Variants in ABCA6 observed in about 807,000 individuals in gnomAD.
ABCA6 encodes ATP binding cassette subfamily A member 6.
In ABCA6, 164 loss-of-function variants were observed where a neutral mutation model predicts 191.2. That is an observed-to-expected ratio of 0.86 (90% CI 0.76 to 0.98). The LOEUF is 0.98. Among genes scored for constraint, ABCA6 ranks in the 50% least tolerant of loss-of-function variants. The pLI is 0.00. For missense variants in ABCA6, 1,958 were observed against 1,894.1 expected, an observed-to-expected ratio of 1.03 and a Z score of -0.63; for synonymous variants, 636 against 647.7, an observed-to-expected ratio of 0.98 and a Z score of 0.27.
intron 23 of ABCA6, among the ~76,000 whole-genome samples, chr17:69,097,532 C>T (rs575964428): frequency 2.0e-5 from 3 of 152,098 alleles, no homozygotes; most frequent in African/African-American, 7.2e-5. Flanking sequence ...TGGGCATAAT[C>T]GAATACAAAT....
rs1223900093 is a variant in ABCA6, at chr17:69,091,609, G to A, written c.3409-347C>T. Among the ~76,000 whole-genome samples the A allele has an allele frequency of 1.0e-4, 2 of 19,886 alleles. 1 individual carries two copies. Among genetic ancestry groups the A allele is most frequent in the Admixed American group, 7.9e-4 (2 of 2,544 alleles). 13.0% of individuals were successfully genotyped at this position (19,886 alleles called of 152,430 possible). A position where few individuals can be genotyped will look rare whatever the true frequency, so the allele number is the denominator to read the frequency against. On this transcript the variant is annotated intron_variant, in intron 25 of 38. Transcript: ENST00000284425. Reference sequence around the variant, plus strand: ...GGGATCTCGGCTCACTGCAAGCTCCGCCTCCCGGGTTCACGCCATTCTCCT... The same window carrying A: ...GGGATCTCGGCTCACTGCAAGCTCCACCTCCCGGGTTCACGCCATTCTCCT...
chr17:69,094,158 A>G (rs150534267), intron 25 of ABCA6: 2 of 152,320 alleles, frequency 1.3e-5, no homozygotes, highest in African/African-American at 4.8e-5. Flanking sequence ...TCACAGTGAG[A>G]ACACCTTAAT....
At chr17:69,122,099 G>GA (rs1218717570) in intron 10 of ABCA6, among the ~76,000 whole-genome samples, 3 of 152,004 alleles carry the variant, frequency 2.0e-5, no homozygotes, top group African/African-American at 4.8e-5. Flanking sequence ...ATAGACTGTA[G>GA]AGCCAGACTA....
chr17:69,118,865 C>A (rs1481835651), intron 10 of ABCA6, among the ~76,000 whole-genome samples: 1 of 151,954 alleles, frequency 6.6e-6, no homozygotes, highest in South Asian at 2.1e-4. Flanking sequence ...TGACCCCACC[C>A]TTTTCATTGA....
At chr17:69,092,359 C>A (rs1235572496) in intron 25 of ABCA6, among the ~76,000 whole-genome samples, 2 of 152,120 alleles carry the variant, frequency 1.3e-5, no homozygotes, top group Non-Finnish European at 2.9e-5. Context: ...TTATCTCTCC[C>A]TTTACAAATG....
intron 15 of ABCA6, chr17:69,112,509 T>C (rs2073444192): frequency 2.4e-6 from 1 of 417,470 alleles, no homozygotes; most frequent in Non-Finnish European, 4.3e-6. Context: ...TGCAGCAACA[T>C]GGATGGAACT....
chr17:69,085,053 CT>C lies in ABCA6; in HGVS notation c.4158del (p.Ala1387ArgfsTer10). ...CTTGCGATGGCGAGCCTCGCGTCCG[CT>C]TTCCTGAGCCCCTTGACGGCAGCAT... Reference protein sequence around the residue: ...EVYAAVKGLRKADARLAIARL... With the variant: ...EVYAAVKGLRXADARLAIARL... On this transcript the variant is annotated frameshift_variant, in exon 32 of 39. Coordinates refer to ENST00000284425, the MANE Select transcript of ABCA6 (RefSeq NM_080284.3). LOFTEE classifies it high-confidence loss of function. The C allele has an allele frequency of 1.2e-6, 2 of 1,611,226 alleles. No homozygotes were observed. Among genetic ancestry groups the C allele is most frequent in the Non-Finnish European group, 1.7e-6 (2 of 1,179,360 alleles).
At chr17:69,092,738 C>A (rs1179481150) in intron 25 of ABCA6, among the ~76,000 whole-genome samples, 2 of 152,130 alleles carry the variant, frequency 1.3e-5, no homozygotes, top group African/African-American at 4.8e-5. Flanking sequence ...CCAAATGGAT[C>A]CCAGATCACC....
intron 28 of ABCA6, 50 bp downstream of exon 28, chr17:69,088,117 T>G: frequency 6.9e-7 from 1 of 1,457,616 alleles, no homozygotes; most frequent in Non-Finnish European, 9.5e-7. Flanking sequence ...AGACACCATC[T>G]AGGAATGTTA....
chr17:69,134,527 T>A (rs2073917588), intron 5 of ABCA6, 112 bp downstream of exon 5: 1 of 730,994 alleles, frequency 1.4e-6, no homozygotes, highest in East Asian at 2.6e-5. Context: ...CAATCTCAAG[T>A]ATTTTGTTGT....
At chr17:69,088,131 T>C (rs748095412) in intron 28 of ABCA6, 36 bp downstream of exon 28, 8 of 1,523,504 alleles carry the variant, frequency 5.3e-6, no homozygotes, top group African/African-American at 1.4e-5. Flanking sequence ...AATGTTAAAA[T>C]ATGATATTAA....
rs1229610645 is a variant in ABCA6, at chr17:69,128,795, C to A, written c.943G>T (p.Val315Leu). ...FLYGLSLVAL[V>L]FLMSVLLKKA... ...TTTAACAGCACACTCATCAGGAACA[C>A]CAAAGCTACCTGCAAGAGAGAGAAG... Residue 315 changes from valine to leucine, a missense_variant, in exon 8 of 39, where the codon GTG (valine) becomes TTG (leucine). Physicochemically the swap from Val to Leu is conservative, Grantham distance 32. Coordinates refer to ENST00000284425, the MANE Select transcript of ABCA6 (RefSeq NM_080284.3). 1.3e-6 allele frequency: 2 copies of A among 1,586,768 alleles called. No individual in the cohort carries two copies. Among genetic ancestry groups the A allele is most frequent in the Non-Finnish European group, 1.7e-6 (2 of 1,166,446 alleles).
At chr17:69,116,136 C>G (rs961682670) in intron 11 of ABCA6, among the ~76,000 whole-genome samples, 1 of 152,080 alleles carries the variant, frequency 6.6e-6, no homozygotes, top group Non-Finnish European at 1.5e-5. Context: ...GCCACCATGC[C>G]TGGCCTGTAA....
In ABCA6 at chr17:69,085,153, C is replaced by T. The variant is rs2072749734; in HGVS notation, c.4059G>A (p.Leu1353=). 1.9e-6 allele frequency: 3 copies of T among 1,610,822 alleles called. No individual in the cohort carries two copies. The highest frequency in any genetic ancestry group is 2.7e-5 in the African/African-American group (2 of 74,826). ...CTTGAGGGCAGTACCCCAGGTGGCCCAAAACTGAACTGCAGCCTTTCAGTT... is the reference window on the plus strand; with the variant it reads ...CTTGAGGGCAGTACCCCAGGTGGCCTAAAACTGAACTGCAGCCTTTCAGTT... ...EVELKGCSSV[L]GHLGYCPQEN... is the part of the protein sequence containing the mutation. Residue 1353 remains leucine (L), a synonymous_variant, in exon 32 of 39, where the codon TTG becomes TTA. Coordinates refer to ENST00000284425, the MANE Select transcript of ABCA6 (RefSeq NM_080284.3).
intron 10 of ABCA6, among the ~76,000 whole-genome samples, chr17:69,122,255 A>G (rs2073661844): frequency 6.6e-6 from 1 of 152,140 alleles, no homozygotes; most frequent in Non-Finnish European, 1.5e-5. Context: ...ATTATGTGCA[A>G]GTCAGGTACA....
chr17:69,129,730 A>G lies in ABCA6; in HGVS notation c.813T>C (p.Tyr271=). ...SAFWLSWGLI[Y]AGFIFIISIF... is the part of the protein sequence containing the mutation. ...TGGAAATAATAAAGATGAAGCCAGC[A>G]TAGATTAGACCCCAGGAGAGCCTAA... The change falls in exon 7 of 39, where the codon TAT becomes TAC. Residue 271 remains tyrosine (Y), a synonymous_variant. Transcript: ENST00000284425. 12 of 1,601,754 alleles carry G rather than the reference A, an allele frequency of 7.5e-6. No individual in the cohort carries two copies. Among genetic ancestry groups the G allele is most frequent in the Non-Finnish European group, 1.0e-5 (12 of 1,172,344 alleles).
At chr17:69,129,565 C>A in intron 7 of ABCA6, 45 bp downstream of exon 7, 1 of 1,505,442 alleles carries the variant, frequency 6.6e-7, no homozygotes, top group Admixed American at 2.0e-5. Context: ...CTACATATAG[C>A]TAAGATCTAA....
At position 69,133,868 on chromosome 17, in the gene ABCA6, CTAAAG is replaced by C. The variant is rs772581551; in HGVS notation, c.565-6_565-2del. 2.6e-6 allele frequency: 4 copies of C among 1,559,268 alleles called. No homozygotes were observed. The African/African-American group carries it at 4.1e-5, about 16-fold the overall frequency. ...CCATCACAGGGTGATTGGTTGTGAT[CTAAAG>C]TAGAGTTTAAACAAACATAATTATT... On this transcript the variant is annotated splice_acceptor_variant and splice_polypyrimidine_tract_variant and intron_variant, in intron 5 of 38. Transcript: ENST00000284425. LOFTEE classifies it high-confidence loss of function.
chr17:69,140,103 T>TA (rs1217830509), intron 2 of ABCA6, among the ~76,000 whole-genome samples: 16 of 151,530 alleles, frequency 1.1e-4, no homozygotes, highest in Admixed American at 9.2e-4. Context: ...ATAATAATAA[T>TA]AAAAAAATAA....
Sources: gnomAD v4.1 joint callset for allele counts (sites outside exome capture counted in the v4.1 genomes callset) on GRCh38, gnomAD v4.1.1 for gene constraint, MANE v1.5 for transcripts, NCBI Gene and HGNC (gene_info 2026-07-23, HGNC 2026-07-21) for gene names.